The following HTR7 variants were observed in gnomAD, a reference collection of about 807,000 sequenced individuals.
The protein encoded by HTR7 is 5-HT-7.
In HTR7, 16 loss-of-function variants were observed where a neutral mutation model predicts 34.0. The ratio of observed to expected loss-of-function variants is 0.47; its 90% CI spans 0.32 to 0.71. HTR7 has a LOEUF of 0.71. HTR7 is among the 30% of genes least tolerant of loss of function. The pLI is 0.04. For missense variants in HTR7, 504 were observed against 625.5 expected (o/e 0.81, Z 2.07); for synonymous variants, 265 against 260.2 (o/e 1.02, Z -0.18).
intron 1 of HTR7, among the ~76,000 whole-genome samples, chr10:90,834,924 C>T (rs887613735): frequency 1.3e-5 from 2 of 152,146 alleles, no homozygotes; most frequent in South Asian, 4.1e-4. Flanking sequence ...TACAGTCTAT[C>T]ACAAGGCTGC....
At chr10:90,785,968 T>G (rs919886470) in intron 1 of HTR7, among the ~76,000 whole-genome samples, 5 of 152,220 alleles carry the variant, frequency 3.3e-5, no homozygotes, top group Non-Finnish European at 4.4e-5. Context: ...ATTTCTCACC[T>G]GTGTTCATGT....
chr10:90,824,076 C>A (rs1846030418), intron 1 of HTR7, among the ~76,000 whole-genome samples: 1 of 152,226 alleles, frequency 6.6e-6, no homozygotes, highest in Non-Finnish European at 1.5e-5. Context: ...AACCATCCCC[C>A]AATCCCAGGC....
chr10:90,773,654 T>C (rs1201564953), intron 1 of HTR7, among the ~76,000 whole-genome samples: 2 of 152,150 alleles, frequency 1.3e-5, no homozygotes, highest in Admixed American at 6.5e-5. Context: ...CTACTCTCTA[T>C]GTTCAATTGC....
intron 1 of HTR7, among the ~76,000 whole-genome samples, chr10:90,835,024 C>A (rs1443287317): frequency 6.6e-6 from 1 of 152,126 alleles, no homozygotes; most frequent in Admixed American, 6.5e-5. Flanking sequence ...AGAATCAAGA[C>A]AAGAACCACT....
chr10:90,806,786 T>C (rs939123237), intron 1 of HTR7, among the ~76,000 whole-genome samples: 2 of 152,218 alleles, frequency 1.3e-5, no homozygotes, highest in South Asian at 2.1e-4. Context: ...TTATCTATAA[T>C]AGCTAAAACA....
At chr10:90,750,868 C>A in intron 1 of HTR7, among the ~76,000 whole-genome samples, 1 of 152,182 alleles carries the variant, frequency 6.6e-6, no homozygotes, top group East Asian at 1.9e-4. Flanking sequence ...TCTTACTTCT[C>A]TAGAATTCTT....
intron 1 of HTR7, among the ~76,000 whole-genome samples, chr10:90,752,754 A>C (rs1006215217): frequency 4.6e-5 from 7 of 152,214 alleles, no homozygotes; most frequent in African/African-American, 1.7e-4. Flanking sequence ...ATCACTAGTA[A>C]AAAATTGGAT....
intron 1 of HTR7, among the ~76,000 whole-genome samples, chr10:90,855,432 T>C (rs1846564450): frequency 6.6e-6 from 1 of 152,240 alleles, no homozygotes; most frequent in Non-Finnish European, 1.5e-5. Context: ...AAGGTATTAT[T>C]TATGTATCAT....
intron 1 of HTR7, among the ~76,000 whole-genome samples, chr10:90,831,241 C>A (rs1444339730): frequency 3.9e-5 from 6 of 152,184 alleles, no homozygotes; most frequent in Admixed American, 3.9e-4. Context: ...GTGAGTGTTA[C>A]AGTTCTTAAA....
intron 1 of HTR7, among the ~76,000 whole-genome samples, chr10:90,783,026 C>T (rs1471321032): frequency 6.6e-6 from 1 of 152,184 alleles, no homozygotes; most frequent in Non-Finnish European, 1.5e-5. Context: ...TAGGAGCTTA[C>T]TGGGACTGGA....
chr10:90,830,798 A>AAAAG lies in HTR7; in HGVS notation c.539+26334_539+26335insCTTT, dbSNP rs1200873454. ...GTGAGACCCTGTCTCAGAAAAAAAA[A>AAAAG]AAAAAAAAGGCAAGCAAACAAGCTT... On this transcript the variant is annotated intron_variant, in intron 1 of 3. Transcript: ENST00000336152. 2.6e-5 allele frequency among the ~76,000 whole-genome samples: 4 copies of AAAAG among 151,744 alleles called. 1 individual carries two copies. Among genetic ancestry groups the AAAAG allele is most frequent in the African/African-American group, 9.7e-5 (4 of 41,302 alleles).
chr10:90,770,933 C>CCCACCCATGG (rs1025267826), intron 1 of HTR7, among the ~76,000 whole-genome samples: 24 of 152,178 alleles, frequency 1.6e-4, no homozygotes, highest in African/African-American at 5.8e-4. Context: ...CTTTTTCAGA[C>CCCACCCATGG]CCACCCATGG....
At chr10:90,799,458 G>A (rs1242543309) in intron 1 of HTR7, among the ~76,000 whole-genome samples, 2 of 152,126 alleles carry the variant, frequency 1.3e-5, no homozygotes, top group Non-Finnish European at 2.9e-5. Context: ...AGCCTGCTGG[G>A]TGTCGGTATC....
intron 1 of HTR7, among the ~76,000 whole-genome samples, chr10:90,834,659 A>G (rs1027477137): frequency 1.7e-4 from 26 of 152,142 alleles, no homozygotes; most frequent in Admixed American, 1.3e-3. Flanking sequence ...AAATAGAATG[A>G]GTAGGCCATG....
intron 1 of HTR7, among the ~76,000 whole-genome samples, chr10:90,846,344 G>C (rs1372174625): frequency 6.6e-6 from 1 of 152,124 alleles, no homozygotes; most frequent in Admixed American, 6.5e-5. Flanking sequence ...TCTAATCTTG[G>C]AGCATTTTGG....
At chr10:90,808,771 C>T (rs1845748078) in intron 1 of HTR7, among the ~76,000 whole-genome samples, 1 of 152,126 alleles carries the variant, frequency 6.6e-6, no homozygotes, top group South Asian at 2.1e-4. Context: ...ACCTCTTCAA[C>T]TCACATCTGA....
chr10:90,798,482 A>G (rs540692085), intron 1 of HTR7, among the ~76,000 whole-genome samples: 1 of 152,294 alleles, frequency 6.6e-6, no homozygotes, highest in East Asian at 1.9e-4. Flanking sequence ...TGGGAGGCCA[A>G]GGAGGGAGGA....
chr10:90,831,162 G>A (rs1359283973), intron 1 of HTR7, among the ~76,000 whole-genome samples: 1 of 152,220 alleles, frequency 6.6e-6, no homozygotes, highest in Non-Finnish European at 1.5e-5. Flanking sequence ...ATGGGCTGGA[G>A]GTAGTGTGTC....
intron 1 of HTR7, among the ~76,000 whole-genome samples, chr10:90,855,312 G>C (rs769281556): frequency 1.4e-4 from 22 of 152,220 alleles, no homozygotes; most frequent in African/African-American, 5.3e-4. Flanking sequence ...TGCACGCTGA[G>C]TGGAGAATGC....
Sources: allele counts gnomAD v4.1 joint callset (sites outside exome capture counted in the v4.1 genomes callset), GRCh38; gene constraint gnomAD v4.1.1; transcripts MANE v1.5; gene names NCBI Gene and HGNC (gene_info 2026-07-23, HGNC 2026-07-21).